Variants in KCNK10 observed in about 807,000 individuals in gnomAD.
The protein encoded by KCNK10 is potassium two pore domain channel subfamily K member 10.
A neutral mutation model predicts 47.7 loss-of-function variants in KCNK10; 25 were observed. The ratio of observed to expected loss-of-function variants is 0.52; its 90% CI spans 0.38 to 0.73. The LOEUF is 0.73. Among genes scored for constraint, KCNK10 ranks in the 30% least tolerant of loss-of-function variants. The pLI is 0.00. For synonymous variants in KCNK10, 303 were observed against 285.6 expected, an observed-to-expected ratio of 1.06 and a Z score of -0.61; for missense variants, 563 against 714.5, an observed-to-expected ratio of 0.79 and a Z score of 2.42.
Position 88,272,634 on chromosome 14 carries a change from G to T in KCNK10, c.53-9083C>A, listed in dbSNP as rs569290377. ...AAGCAGAGGAGAGAGTGTGGCTCTT[G>T]TTGGTCTTATTAATGAGCGTGGGAA... On this transcript the variant is annotated intron_variant, in intron 1 of 6. Transcript: ENST00000319231. Among the ~76,000 whole-genome samples, 34 of 152,214 alleles carry T rather than the reference G, an allele frequency of 2.2e-4. 1 individual carries two copies. The highest frequency in any genetic ancestry group is 7.9e-4 in the African/African-American group (33 of 41,536).
intron 3 of KCNK10, among the ~76,000 whole-genome samples, chr14:88,228,704 G>C (rs773833665): frequency 6.6e-6 from 1 of 152,100 alleles, no homozygotes; most frequent in Non-Finnish European, 1.5e-5. Flanking sequence ...CAGAACTCAC[G>C]GTTGCCTTCT....
rs149259662 is a variant in KCNK10, at chr14:88,208,869, G to A, written c.682-16459C>T. 7.1e-3 allele frequency among the ~76,000 whole-genome samples: 1,087 copies of A among 152,222 alleles called. 19 individuals carry two copies. Among genetic ancestry groups the A allele is most frequent in the African/African-American group, 0.024 (997 of 41,516 alleles). On this transcript the variant is annotated intron_variant, in intron 4 of 6. Transcript: ENST00000319231. Reference sequence around the variant, plus strand: ...CCGATACACCCATTTGTGACTACTCGGGAGTGAGAGGGGACCTGGGGGTGG... The same window carrying A: ...CCGATACACCCATTTGTGACTACTCAGGAGTGAGAGGGGACCTGGGGGTGG...
intron 4 of KCNK10, among the ~76,000 whole-genome samples, chr14:88,220,389 C>T (rs1229679391): frequency 3.5e-5 from 4 of 113,238 alleles, no homozygotes; most frequent in African/African-American, 1.4e-4. Context: ...TGCACTCCAG[C>T]CTGGGCGACA....
At chr14:88,268,001 T>C (rs112126281) in intron 1 of KCNK10, among the ~76,000 whole-genome samples, 2 of 152,040 alleles carry the variant, frequency 1.3e-5, no homozygotes, top group African/African-American at 2.4e-5. Flanking sequence ...CAGAAGCAGA[T>C]GCCAAGAAGG....
At chr14:88,310,738 G>A (rs527416431) in intron 1 of KCNK10, among the ~76,000 whole-genome samples, 10 of 152,208 alleles carry the variant, frequency 6.6e-5, no homozygotes, top group African/African-American at 1.9e-4. Flanking sequence ...CAACTAGCAG[G>A]GGGTCCCATT....
Position 88,186,233 on chromosome 14 carries a change from G to A in KCNK10, c.1012-78C>T. On this transcript the variant is annotated intron_variant, in intron 6 of 6. Coordinates refer to ENST00000319231, the MANE Select transcript of KCNK10 (RefSeq NM_138317.3). This position sits in a 1 kb window ranked among gnomAD's most constrained non-coding sequence, Gnocchi z 5.5. ...GGCCTCCCAGCACCCACAGCCCTCG[G>A]GTGTCCCCACGGGGAGGCCAGGAGG... is the stretch of plus-strand genomic sequence containing the variant. 2 of 1,476,060 alleles carry A rather than the reference G, an allele frequency of 1.4e-6. No individual in the cohort carries two copies. Among genetic ancestry groups the A allele is most frequent in the Non-Finnish European group, 1.8e-6 (2 of 1,111,084 alleles). The allele number at this position is 1,476,060 out of a possible 1,614,324, so 91.4% of individuals were successfully genotyped here. A position where few individuals can be genotyped will look rare whatever the true frequency, so the allele number is the denominator to read the frequency against.
intron 2 of KCNK10, among the ~76,000 whole-genome samples, chr14:88,248,761 C>G (rs556637391): frequency 6.6e-6 from 1 of 150,954 alleles, no homozygotes; most frequent in South Asian, 2.1e-4. Context: ...AAAAAAAAAT[C>G]ATTTTCTGTG....
intron 5 of KCNK10, among the ~76,000 whole-genome samples, chr14:88,189,580 T>C (rs929062076): frequency 6.6e-6 from 1 of 152,190 alleles, no homozygotes. Flanking sequence ...CCCTTCTAAG[T>C]ATCCCTTTAT....
intron 4 of KCNK10, among the ~76,000 whole-genome samples, chr14:88,209,358 C>T (rs115795291): frequency 2.0e-5 from 3 of 152,166 alleles, no homozygotes; most frequent in Non-Finnish European, 2.9e-5. Flanking sequence ...CTAGAATCTG[C>T]GTATGTGGTA....
Position 88,263,309 on chromosome 14 carries a change from C to T in KCNK10, c.295G>A (p.Glu99Lys), listed in dbSNP as rs773338019. 6.2e-7 allele frequency: 1 copy of T among 1,614,046 alleles called. No homozygotes were observed. The highest frequency in any genetic ancestry group is 8.5e-7 in the Non-Finnish European group (1 of 1,180,034). Residue 99 changes from glutamate (E) to lysine (K), a missense_variant, in exon 2 of 7, where the codon GAG becomes AAG. Coordinates refer to ENST00000319231, the MANE Select transcript of KCNK10 (RefSeq NM_138317.3). ...VTGGLVFRAL[E>K]QPFESSQKNT... Reference sequence around the variant, plus strand: ...TTCTGGCTGCTCTCAAAGGGCTGCTCCAATGCCCGGAAGACAAGACCGCCA... The same window carrying T: ...TTCTGGCTGCTCTCAAAGGGCTGCTTCAATGCCCGGAAGACAAGACCGCCA...
chr14:88,239,887 AAAATAAAATAAAAT>A (rs978340565), intron 3 of KCNK10, among the ~76,000 whole-genome samples: 6 of 98,404 alleles, frequency 6.1e-5, no homozygotes, highest in African/African-American at 2.0e-4. Context: ...AAAATAAAAT[AAAATAAAATAAAAT>A]AAATAAATAA....
chr14:88,226,783 G>GA (rs1288455408), intron 4 of KCNK10, among the ~76,000 whole-genome samples: 1 of 152,028 alleles, frequency 6.6e-6, no homozygotes, highest in East Asian at 1.9e-4. Context: ...TTCCAGAAAG[G>GA]AAAAAACCCA....
At chr14:88,282,521 C>T (rs766589653) in intron 1 of KCNK10, among the ~76,000 whole-genome samples, 3 of 152,180 alleles carry the variant, frequency 2.0e-5, no homozygotes, top group Non-Finnish European at 4.4e-5. Flanking sequence ...CCATGCCATA[C>T]CTCAAGGCCC....
chr14:88,206,306 G>A (rs752541577), intron 4 of KCNK10, among the ~76,000 whole-genome samples: 1 of 152,116 alleles, frequency 6.6e-6, no homozygotes, highest in Non-Finnish European at 1.5e-5. Context: ...TGTACTGGGA[G>A]GAGGTCAAAG....
At chr14:88,225,039 CA>C (rs200363232) in intron 4 of KCNK10, among the ~76,000 whole-genome samples, 1,707 of 152,322 alleles carry the variant, frequency 0.011, 38 homozygotes, top group African/African-American at 0.04. Flanking sequence ...AACCTTCCCC[CA>C]TGAGAACTAA....
At chr14:88,255,220 G>T (rs1886914603) in intron 2 of KCNK10, among the ~76,000 whole-genome samples, 1 of 152,164 alleles carries the variant, frequency 6.6e-6, no homozygotes, top group Admixed American at 6.5e-5. Context: ...ATATTAGTGA[G>T]GGGATACTCA....
intron 1 of KCNK10, among the ~76,000 whole-genome samples, chr14:88,301,461 A>T (rs935744599): frequency 2.6e-5 from 4 of 152,110 alleles, no homozygotes; most frequent in Non-Finnish European, 5.9e-5. Context: ...TTATTAAACT[A>T]ACAAATAGAA....
Position 88,185,685 on chromosome 14 carries a change from CT to C in KCNK10, c.1481del (p.Glu494GlyfsTer16), listed in dbSNP as rs781439213. On this transcript the variant is annotated frameshift_variant, in exon 7 of 7. Transcript: ENST00000319231. LOFTEE classifies it high-confidence loss of function. This position sits in a 1 kb window ranked among gnomAD's most constrained non-coding sequence, Gnocchi z 4.3. ...TGTCTGAGTTACACATCTTTTCCGT[CT>C]CCTCCTCTTTCTTCTCCTCGTCCAG... is the stretch of plus-strand genomic sequence containing the variant. ...YSLDEEKKEE[E>X]TEKMCNSDNS... 1.2e-6 allele frequency: 2 copies of C among 1,614,194 alleles called. No individual in the cohort carries two copies. Among genetic ancestry groups the C allele is most frequent in the Admixed American group, 3.3e-5 (2 of 60,024 alleles).
rs1887080542 is a variant in KCNK10, at chr14:88,260,499, G to C, written c.402+2703C>G. ...ATACAGCATTCAACATAAAGCACAA[G>C]TTTAAAAGAGACTGGAGCTTATTAT... On this transcript the variant is annotated intron_variant, in intron 2 of 6. Transcript: ENST00000319231. This position sits in a 1 kb window ranked among gnomAD's most constrained non-coding sequence, Gnocchi z 4.5. Among the ~76,000 whole-genome samples, 4 of 152,324 alleles carry C rather than the reference G, an allele frequency of 2.6e-5. No homozygotes were observed. In the South Asian group the frequency reaches 8.3e-4, roughly 32 times the overall value.
Sources: gnomAD v4.1 joint callset for allele counts (sites outside exome capture counted in the v4.1 genomes callset) on GRCh38, gnomAD v4.1.1 for gene constraint, Gnocchi (gnomAD v3.1) non-coding constraint, MANE v1.5 for transcripts, NCBI Gene and HGNC (gene_info 2026-07-23, HGNC 2026-07-21) for gene names.